Variants in FBXL13 observed in about 807,000 individuals in gnomAD.
FBXL13 encodes the protein F-box and leucine-rich repeat protein 13.
Under a neutral mutation model 83.6 loss-of-function variants are expected in FBXL13, and 67 were observed. The ratio of observed to expected loss-of-function variants is 0.80; its 90% CI spans 0.66 to 0.98. The LOEUF (loss-of-function observed/expected upper bound fraction) is 0.98, where lower values mean the gene tolerates loss of function less well. Among genes scored for constraint, FBXL13 ranks in the 50% least tolerant of loss-of-function variants. FBXL13 has a pLI of 0.00. For synonymous variants in FBXL13, 272 were observed against 299.5 expected, an observed-to-expected ratio of 0.91 and a Z score of 0.95; for missense variants, 822 against 866.5, an observed-to-expected ratio of 0.95 and a Z score of 0.64.
At chr7:103,046,380 C>A (rs1458239105) in intron 2 of FBXL13, among the ~76,000 whole-genome samples, 1 of 152,174 alleles carries the variant, frequency 6.6e-6, no homozygotes, top group East Asian at 1.9e-4. Flanking sequence ...CTAATTATTG[C>A]CTCTTTTATT....
intron 17 of FBXL13, 61 bp from the exon 19 acceptor site, chr7:102,833,035 T>C: frequency 1.3e-6 from 2 of 1,549,456 alleles, no homozygotes; most frequent in Non-Finnish European, 1.8e-6. Context: ...CTGTCTTACT[T>C]ATAGTAGCTT....
intron 3 of FBXL13, among the ~76,000 whole-genome samples, 174 bp downstream of exon 4, chr7:103,029,177 T>C (rs1794250978): frequency 6.6e-6 from 1 of 152,184 alleles, no homozygotes; most frequent in African/African-American, 2.4e-5. Flanking sequence ...AAAATACATA[T>C]TTTAACTAAG....
intron 5 of FBXL13, among the ~76,000 whole-genome samples, chr7:103,026,039 A>G (rs549218215): frequency 2.0e-5 from 3 of 151,318 alleles, no homozygotes; most frequent in African/African-American, 4.8e-5. Context: ...TATAGCATAA[A>G]TTATATATAT....
intron 17 of FBXL13, among the ~76,000 whole-genome samples, chr7:102,851,076 G>T (rs1562993581): frequency 6.6e-6 from 1 of 152,146 alleles, no homozygotes; most frequent in African/African-American, 2.4e-5. Context: ...TGCTGAGAAG[G>T]TATAAGACTT....
At chr7:103,038,583 A>G (rs568033421) in intron 2 of FBXL13, among the ~76,000 whole-genome samples, 1 of 152,266 alleles carries the variant, frequency 6.6e-6, no homozygotes, top group African/African-American at 2.4e-5. Context: ...CACCTCAAAC[A>G]GGCGGGTGCC....
chr7:102,944,520 C>G (rs748629148), intron 8 of FBXL13: 1 of 1,613,842 alleles, frequency 6.2e-7, no homozygotes, highest in Non-Finnish European at 8.5e-7. Flanking sequence ...AGTCATTTGA[C>G]CAAGACACAG....
chr7:102,815,460 A>G (rs116498733), intron 19 of FBXL13, among the ~76,000 whole-genome samples: 4,391 of 152,050 alleles, frequency 0.029, 218 homozygotes, highest in African/African-American at 0.1. Flanking sequence ...CTTCTGCTGG[A>G]TTGCTGGTCT....
chr7:102,909,200 T>C (rs1193542059), intron 11 of FBXL13, among the ~76,000 whole-genome samples: 3 of 152,192 alleles, frequency 2.0e-5, no homozygotes, highest in African/African-American at 4.8e-5. Context: ...ATGAGTAGTA[T>C]TGCCAGGCTA....
At chr7:102,913,458 A>C (rs764789049) in intron 10 of FBXL13, among the ~76,000 whole-genome samples, 1 of 152,228 alleles carries the variant, frequency 6.6e-6, no homozygotes, top group Non-Finnish European at 1.5e-5. Context: ...TAGTTCAATA[A>C]TATTTGCCTA....
At chr7:103,066,112 G>A (rs1182157994) in intron 1 of FBXL13, among the ~76,000 whole-genome samples, 1 of 152,130 alleles carries the variant, frequency 6.6e-6, no homozygotes, top group Non-Finnish European at 1.5e-5. Flanking sequence ...AGGTGTCAAG[G>A]GCTACTTTTC....
At chr7:102,946,510 G>A (rs1822518793) in intron 8 of FBXL13, among the ~76,000 whole-genome samples, 1 of 152,120 alleles carries the variant, frequency 6.6e-6, no homozygotes, top group South Asian at 2.1e-4. Flanking sequence ...GCACTCGTGA[G>A]GGCAGTTGGC....
At chr7:102,861,953 G>A (rs1011717617) in intron 16 of FBXL13, among the ~76,000 whole-genome samples, 2 of 144,832 alleles carry the variant, frequency 1.4e-5, no homozygotes, top group Non-Finnish European at 3.0e-5. Flanking sequence ...CTGCACTCCA[G>A]CCTGGATGAC....
intron 6 of FBXL13, among the ~76,000 whole-genome samples, chr7:103,020,586 A>G (rs1021575053): frequency 1.3e-5 from 2 of 152,352 alleles, no homozygotes; most frequent in East Asian, 1.9e-4. Context: ...AGAAAACCCC[A>G]TCGTCTCAGC....
intron 6 of FBXL13, among the ~76,000 whole-genome samples, chr7:102,990,228 C>G (rs1430169046): frequency 1.3e-5 from 2 of 152,110 alleles, no homozygotes; most frequent in Admixed American, 6.6e-5. Flanking sequence ...TCTGGAGGTA[C>G]AGTCAGACCA....
intron 1 of FBXL13, among the ~76,000 whole-genome samples, chr7:103,067,112 C>G (rs1057208901): frequency 2.0e-5 from 3 of 151,570 alleles, no homozygotes; most frequent in Admixed American, 2.0e-4. Flanking sequence ...ACTGAAAATA[C>G]TAGGAAATGT....
At chr7:102,818,841 T>TTGTGACATAGGTAAACG (rs1798392169) in intron 19 of FBXL13, among the ~76,000 whole-genome samples, 3 of 152,182 alleles carry the variant, frequency 2.0e-5, no homozygotes, top group Admixed American at 2.0e-4. Flanking sequence ...ATGTACAGGT[T>TTGTGACATAGGTAAACG]TGTGACATAG....
chr7:102,927,608 C>T (rs1000974464), intron 9 of FBXL13, among the ~76,000 whole-genome samples: 1 of 152,150 alleles, frequency 6.6e-6, no homozygotes, highest in Non-Finnish European at 1.5e-5. Flanking sequence ...TTAAAGAGAA[C>T]ACAAGATTCT....
At chr7:102,842,715 G>C (rs1329973744) in intron 17 of FBXL13, among the ~76,000 whole-genome samples, 2 of 152,180 alleles carry the variant, frequency 1.3e-5, no homozygotes, top group Non-Finnish European at 2.9e-5. Flanking sequence ...GACTGTTGCT[G>C]AATGAGGTAG....
At chr7:102,923,455 C>T (rs1193945408) in intron 10 of FBXL13, among the ~76,000 whole-genome samples, 1 of 152,086 alleles carries the variant, frequency 6.6e-6, no homozygotes, top group Non-Finnish European at 1.5e-5. Flanking sequence ...ACATAAATAA[C>T]TACAAGAACA....
Sources: gnomAD v4.1 joint callset for allele counts (sites outside exome capture counted in the v4.1 genomes callset) on GRCh38, gnomAD v4.1.1 for gene constraint, MANE v1.5 for transcripts, NCBI Gene and HGNC (gene_info 2026-07-23, HGNC 2026-07-21) for gene names.